Variants in ACCSL observed in about 807,000 individuals in gnomAD.
ACCSL encodes the protein 1-aminocyclopropane-1-carboxylate synthase homolog (inactive) like, also known as probable inactive 1-aminocyclopropane-1-carboxylate synthase-like protein 2.
ACCSL carries 55 observed loss-of-function variants against 61.7 expected under a neutral mutation model. The observed-to-expected ratio is 0.89, with a 90% CI of 0.72 to 1.12. The LOEUF (loss-of-function observed/expected upper bound fraction) is 1.12. Among genes scored for constraint, ACCSL ranks in the 50% most tolerant of loss-of-function variants. The pLI is 0.00. For synonymous variants in ACCSL, 258 were observed against 264.3 expected (o/e 0.98, Z 0.23); for missense variants, 632 against 698.0 (o/e 0.91, Z 1.07).
chr11:43,964,345 G>A, the ACCSL span, among the ~76,000 whole-genome samples: 3 of 151,554 alleles, frequency 2.0e-5, no homozygotes, highest in Admixed American at 6.6e-5. Context: ...GGTGAGGCAG[G>A]AGAATCACTT....
the ACCSL span, among the ~76,000 whole-genome samples, chr11:43,956,557 C>T: frequency 1.3e-5 from 2 of 152,222 alleles, no homozygotes; most frequent in East Asian, 1.9e-4. Context: ...GTAGCTGGGA[C>T]TATAGGCACG....
At chr11:43,993,644 A>T in the ACCSL span, among the ~76,000 whole-genome samples, 1 of 151,786 alleles carries the variant, frequency 6.6e-6, no homozygotes, top group Non-Finnish European at 1.5e-5. Flanking sequence ...CCTTGCCGGA[A>T]TGGGCAGCAT....
At chr11:44,042,561 T>C in the ACCSL span, among the ~76,000 whole-genome samples, 8 of 152,210 alleles carry the variant, frequency 5.3e-5, no homozygotes, top group African/African-American at 1.9e-4. Flanking sequence ...CAAGCCATTC[T>C]CTTGCCTCAG....
the ACCSL span, among the ~76,000 whole-genome samples, chr11:44,017,314 T>TCA: frequency 6.6e-6 from 1 of 152,150 alleles, no homozygotes; most frequent in African/African-American, 2.4e-5. Context: ...AAGTCAGGGC[T>TCA]CACACATACA....
chr11:44,050,778 C>T (rs1254655384), intron 3 of ACCSL, among the ~76,000 whole-genome samples, 156 bp downstream of exon 3: 2 of 151,610 alleles, frequency 1.3e-5, no homozygotes, highest in African/African-American at 2.4e-5. Flanking sequence ...CATCAGGAGG[C>T]AGCCTGGTAT....
chr11:44,033,102 G>A, the ACCSL span, among the ~76,000 whole-genome samples: 9,945 of 152,274 alleles, frequency 0.065, 370 homozygotes, highest in Non-Finnish European at 0.092. Flanking sequence ...TCAGGTGGAC[G>A]AACAGTCGGG....
the ACCSL span, among the ~76,000 whole-genome samples, chr11:43,940,116 A>G: frequency 1.3e-5 from 2 of 152,112 alleles, no homozygotes; most frequent in Non-Finnish European, 1.5e-5. Flanking sequence ...TCCACACAAC[A>G]GCCAGAGTGA....
At chr11:43,932,190 C>T in the ACCSL span, among the ~76,000 whole-genome samples, 1 of 152,260 alleles carries the variant, frequency 6.6e-6, no homozygotes, top group Non-Finnish European at 1.5e-5. Context: ...GTGAGATCCT[C>T]ATGACTGCCA....
the ACCSL span, among the ~76,000 whole-genome samples, chr11:44,036,741 C>T: frequency 6.7e-6 from 1 of 149,574 alleles, no homozygotes; most frequent in Non-Finnish European, 1.5e-5. Flanking sequence ...AAGATCGCCC[C>T]ACTGCACTCC....
At chr11:44,058,969 G>A (rs1952689507) in intron 13 of ACCSL, among the ~76,000 whole-genome samples, 1 of 152,164 alleles carries the variant, frequency 6.6e-6, no homozygotes, top group Admixed American at 6.5e-5. Flanking sequence ...GAGGCCAGGT[G>A]CGGTGTCTTA....
chr11:44,009,213 T>C, the ACCSL span, among the ~76,000 whole-genome samples: 1 of 151,976 alleles, frequency 6.6e-6, no homozygotes, highest in Non-Finnish European at 1.5e-5. Context: ...GCTCCATAAA[T>C]GGAAGCTACC....
At chr11:44,033,745 A>G in the ACCSL span, among the ~76,000 whole-genome samples, 4 of 152,070 alleles carry the variant, frequency 2.6e-5, no homozygotes, top group Admixed American at 2.0e-4. Flanking sequence ...TGACAGCTGA[A>G]GCAGGAAGAC....
the ACCSL span, among the ~76,000 whole-genome samples, chr11:43,955,567 G>C: frequency 6.6e-6 from 1 of 152,114 alleles, no homozygotes; most frequent in African/African-American, 2.4e-5. Context: ...AGGATAGTTG[G>C]GTGGGCCACG....
the ACCSL span, among the ~76,000 whole-genome samples, chr11:43,951,633 A>C: frequency 6.6e-6 from 1 of 152,220 alleles, no homozygotes; most frequent in Non-Finnish European, 1.5e-5. Flanking sequence ...AGCAACCCCC[A>C]AAGAGGCCAG....
the ACCSL span, among the ~76,000 whole-genome samples, chr11:43,927,695 T>C: frequency 3.3e-5 from 5 of 152,204 alleles, no homozygotes; most frequent in African/African-American, 1.2e-4. Flanking sequence ...AGGCTTTGAA[T>C]ACATAATGGA....
In ACCSL at chr11:44,058,703, A is replaced by G. The variant is rs1430320614; in HGVS notation, c.1624+4A>G. The G allele has an allele frequency of 3.1e-6, 5 of 1,608,132 alleles. No individual in the cohort carries two copies. Among genetic ancestry groups the G allele is most frequent in the Non-Finnish European group, 4.3e-6 (5 of 1,176,298 alleles). On this transcript the variant is annotated splice_donor_region_variant and intron_variant, in intron 13 of 13. Transcript: ENST00000378832. ...GAGCTCCCCCGGCTAAAATTGGGTG[A>G]GTGGAGCTGACCTCCCAATCCTTTA...
the ACCSL span, among the ~76,000 whole-genome samples, chr11:44,024,209 C>A: frequency 6.6e-6 from 1 of 152,144 alleles, no homozygotes; most frequent in East Asian, 1.9e-4. Context: ...TGCTTGTTTA[C>A]TTGAGCTGGC....
At chr11:43,973,606 T>C in the ACCSL span, among the ~76,000 whole-genome samples, 22 of 152,158 alleles carry the variant, frequency 1.4e-4, no homozygotes, top group African/African-American at 5.3e-4. Flanking sequence ...TAGCGTAATT[T>C]GATTGCATTA....
upstream of ACCSL, among the ~76,000 whole-genome samples, chr11:44,047,640 T>C (rs11037839): frequency 3.9e-3 from 598 of 152,318 alleles, 4 homozygotes; most frequent in East Asian, 0.031. Context: ...TGGGTAGTGA[T>C]GGTGATTGTT....
Sources: allele counts gnomAD v4.1 joint callset (sites outside exome capture counted in the v4.1 genomes callset), GRCh38; gene constraint gnomAD v4.1.1; transcripts MANE v1.5; gene names NCBI Gene and HGNC (gene_info 2026-07-23, HGNC 2026-07-21).